Variants in PCGF3 observed in about 807,000 individuals in gnomAD.
PCGF3 encodes the protein polycomb group ring finger 3, also known as polycomb group RING finger protein 3.
A neutral mutation model predicts 33.1 loss-of-function variants in PCGF3; 7 were observed. That is an observed-to-expected ratio of 0.21 (90% CI 0.12 to 0.40). PCGF3 has a LOEUF of 0.40. PCGF3 is among the 10% of genes least tolerant of loss of function. PCGF3 has a pLI of 1.00. For synonymous variants in PCGF3, 153 were observed against 121.3 expected (o/e 1.26, Z -1.72); for missense variants, 211 against 313.3 (o/e 0.67, Z 2.46).
rs756824453 is a variant in PCGF3 at position 736,393 on chromosome 4, C to G, written c.207-1073C>G. Among the ~76,000 whole-genome samples the G allele has an allele frequency of 3.5e-4, 54 of 152,234 alleles. 1 individual carries two copies. The highest frequency in any genetic ancestry group is 3.4e-4 in the Non-Finnish European group (23 of 68,040). ...TTATTTGGAAACATTCTAGAAAAGCCTCTGTTCATTGGAAATCCCACAAAG... is the reference window on the plus strand; with the variant it reads ...TTATTTGGAAACATTCTAGAAAAGCGTCTGTTCATTGGAAATCCCACAAAG... On this transcript the variant is annotated intron_variant, in intron 5 of 10. Transcript: ENST00000362003.
intron 8 of PCGF3, among the ~76,000 whole-genome samples, chr4:756,138 C>G (rs192887279): frequency 6.6e-6 from 1 of 151,352 alleles, no homozygotes; most frequent in African/African-American, 2.4e-5. Flanking sequence ...TGGTCTTGAA[C>G]TCTTAACCTC....
exon 11 of PCGF3, chr4:766,203 C>A: frequency 1.4e-6 from 1 of 723,458 alleles, no homozygotes; most frequent in Non-Finnish European, 2.3e-6. Flanking sequence ...ATATTTATAA[C>A]TTTTGTATGA....
At chr4:718,179 C>T (rs370063227) in intron 1 of PCGF3, among the ~76,000 whole-genome samples, 5 of 152,170 alleles carry the variant, frequency 3.3e-5, no homozygotes, top group South Asian at 2.1e-4. Context: ...GACGTGCAGC[C>T]GTCAGACGTC....
rs369964701 is a variant in PCGF3 at position 761,359 on chromosome 4, C to G, written c.543C>G (p.Thr181=). ...GGATCCGCTGCTCAGCCCAGGCGAC[C>G]GTCTTGCATCTGAAGAAGTTCATCG... is the stretch of plus-strand genomic sequence containing the variant. Residue 181 remains threonine, a synonymous_variant, in exon 9 of 11, where the codon ACC becomes ACG. Transcript: ENST00000362003. 2.2e-4 allele frequency: 354 copies of G among 1,612,246 alleles called. 5 individuals carry two copies. In the South Asian group the frequency reaches 3.6e-3, roughly 17 times the overall value.
intron 3 of PCGF3, chr4:731,374 C>T (rs1302892924): frequency 1.0e-5 from 4 of 397,138 alleles, no homozygotes; most frequent in Admixed American, 4.4e-5. Context: ...CCCGGCGTGT[C>T]GCTGAGGAGC....
At chr4:709,713 A>G (rs890518844) in intron 1 of PCGF3, among the ~76,000 whole-genome samples, 7 of 152,220 alleles carry the variant, frequency 4.6e-5, no homozygotes, top group Non-Finnish European at 7.3e-5. Flanking sequence ...ACTGAATTGG[A>G]TGGTTCGGGA....
intron 1 of PCGF3, among the ~76,000 whole-genome samples, chr4:711,840 A>C (rs150537577): frequency 6.6e-6 from 1 of 151,812 alleles, no homozygotes. Context: ...GGGCACCTGT[A>C]ATCCCAGCTA....
intron 8 of PCGF3, among the ~76,000 whole-genome samples, chr4:754,779 A>G (rs1455647797): frequency 1.3e-5 from 2 of 152,180 alleles, no homozygotes; most frequent in African/African-American, 4.8e-5. Context: ...CACTTAGCGC[A>G]GCTGCTCTGC....
chr4:732,242 TC>T (rs1408540586), intron 3 of PCGF3, among the ~76,000 whole-genome samples: 2 of 135,474 alleles, frequency 1.5e-5, no homozygotes, highest in Admixed American at 7.4e-5. Context: ...AGGGTGGGGC[TC>T]CCCCTCCCCT....
intron 8 of PCGF3, among the ~76,000 whole-genome samples, chr4:750,164 A>T (rs974910228): frequency 6.6e-6 from 1 of 152,216 alleles, no homozygotes; most frequent in African/African-American, 2.4e-5. Context: ...CTCCCTGCGG[A>T]CTTTGATGAA....
intron 6 of PCGF3, among the ~76,000 whole-genome samples, chr4:740,947 C>T (rs549569484): frequency 7.3e-4 from 111 of 152,262 alleles, no homozygotes; most frequent in African/African-American, 2.6e-3. Context: ...GTTTTCATGA[C>T]GACGTCAGAA....
chr4:734,956 C>T (rs184294122), exon 5 of PCGF3: 1 of 1,613,784 alleles, frequency 6.2e-7, no homozygotes, highest in African/African-American at 1.3e-5. Flanking sequence ...TGGTGAAGTA[C>T]CTGGAGGAGA....
intron 6 of PCGF3, among the ~76,000 whole-genome samples, chr4:739,326 A>G (rs1343313969): frequency 6.6e-6 from 1 of 152,128 alleles, no homozygotes; most frequent in African/African-American, 2.4e-5. Context: ...TCAGCCTGCC[A>G]GGTAGCTGGA....
At position 721,728 on chromosome 4, in the gene PCGF3, GTC is replaced by G. The variant is rs1449057086; in HGVS notation, c.-189-8898_-189-8897del. On this transcript the variant is annotated intron_variant, in intron 1 of 10. Transcript: ENST00000362003. The surrounding 1 kb of genome is among the most constrained non-coding windows in gnomAD (Gnocchi z 4.1). ...GCCTGTGGGAGACGGATGGATGGGT[GTC>G]TCTGTGTATGGGCATGGGGAGGGGC... Among the ~76,000 whole-genome samples, 1 of 147,062 alleles carries G rather than the reference GTC, an allele frequency of 6.8e-6. No individual in the cohort carries two copies. The highest frequency in any genetic ancestry group is 1.5e-5 in the Non-Finnish European group (1 of 65,776).
exon 11 of PCGF3, chr4:770,086 T>C (rs1284346058): frequency 6.6e-6 from 1 of 152,614 alleles, no homozygotes; most frequent in Non-Finnish European, 1.5e-5. Context: ...AAAGAAAAGC[T>C]TAAGTGAAAG....
exon 11 of PCGF3, chr4:769,863 G>A (rs1255126416): frequency 6.5e-6 from 1 of 152,684 alleles, no homozygotes; most frequent in Non-Finnish European, 1.5e-5. Flanking sequence ...GGCAGTCGAG[G>A]TGTGGAGGTG....
At chr4:741,043 T>A (rs1744068300) in intron 6 of PCGF3, among the ~76,000 whole-genome samples, 1 of 152,270 alleles carries the variant, frequency 6.6e-6, no homozygotes, top group Non-Finnish European at 1.5e-5. Flanking sequence ...ACTGTCATTG[T>A]TGATGGCAAA....
chr4:739,485 C>G (rs1036206498), intron 6 of PCGF3, among the ~76,000 whole-genome samples: 2 of 152,230 alleles, frequency 1.3e-5, no homozygotes, highest in African/African-American at 4.8e-5. Context: ...AGCCCCCACA[C>G]CCAGCCTGTT....
At chr4:755,772 C>T (rs987948217) in intron 8 of PCGF3, among the ~76,000 whole-genome samples, 6 of 151,998 alleles carry the variant, frequency 3.9e-5, no homozygotes, top group African/African-American at 1.2e-4. Context: ...TGCTCTGTTC[C>T]GCTGGTCTCT....
Sources: gnomAD v4.1 joint callset for allele counts (sites outside exome capture counted in the v4.1 genomes callset) on GRCh38, gnomAD v4.1.1 for gene constraint, Gnocchi (gnomAD v3.1) non-coding constraint, MANE v1.5 for transcripts, NCBI Gene and HGNC (gene_info 2026-07-23, HGNC 2026-07-21) for gene names.